FBXW12: variants seen among roughly 807,000 people sequenced by gnomAD.
The protein encoded by FBXW12 is F-box and WD repeat domain containing 12, also known as F-box/WD repeat-containing protein 12.
In FBXW12, 43 loss-of-function variants were observed where a neutral mutation model predicts 55.3. The observed-to-expected ratio is 0.78, with a 90% CI of 0.61 to 1.00. FBXW12 has a LOEUF of 1.00. Ranked by LOEUF, FBXW12 falls within the 50% of genes least tolerant of loss-of-function variation. FBXW12 has a pLI of 0.00. For missense variants in FBXW12, 524 were observed against 560.5 expected (o/e 0.93, Z 0.66); for synonymous variants, 184 against 203.8 (o/e 0.90, Z 0.83).
rs1400598805 is a variant in FBXW12, at chr3:48,375,448, G to A, written c.381G>A (p.Glu127=). 1 of 1,609,142 alleles carries A rather than the reference G, an allele frequency of 6.2e-7. No homozygotes were observed. The highest frequency in any genetic ancestry group is 1.7e-5 in the Admixed American group (1 of 59,004). Residue 127 remains glutamate, a synonymous_variant, in exon 5 of 11, where the codon GAG becomes GAA. Transcript: ENST00000296438. ...SIICSVSPKQ[E]LCAWDVQEGT... is the part of the protein sequence containing the mutation. ...TTTGTAGTGTATCTCCAAAGCAAGA[G>A]CTTTGTGCCTGGGATGTGCAAGAGG...
Position 48,381,828 on chromosome 3 carries a change from C to T in FBXW12, c.1114C>T (p.Leu372=), listed in dbSNP as rs945649562. ...YLLLFSITGF[L]LQRFEDHQAA... is the part of the protein sequence containing the mutation. ...GTTACTCTTCAGCATCACTGGCTTC[C>T]TGCTGCAACGATTTGAGGACCATCA... The change falls in exon 9 of 11, where the codon CTG becomes TTG. Residue 372 remains leucine (L), a synonymous_variant. Coordinates refer to ENST00000296438, the MANE Select transcript of FBXW12 (RefSeq NM_207102.2). The T allele has an allele frequency of 4.3e-6, 7 of 1,609,610 alleles. No homozygotes were observed. Among genetic ancestry groups the T allele is most frequent in the Non-Finnish European group, 5.9e-6 (7 of 1,176,906 alleles).
At chr3:48,389,886 G>C (rs922607765) in intron 10 of FBXW12, among the ~76,000 whole-genome samples, 13 of 152,158 alleles carry the variant, frequency 8.5e-5, no homozygotes, top group African/African-American at 3.1e-4. Context: ...ATGGTGAAAA[G>C]TAGGGGTCCA....
At chr3:48,391,001 G>A (rs1431689665) in intron 10 of FBXW12, among the ~76,000 whole-genome samples, 1 of 151,000 alleles carries the variant, frequency 6.6e-6, no homozygotes, top group Non-Finnish European at 1.5e-5. Context: ...GGAGCATAGT[G>A]GCTCATGCCT....
At chr3:48,373,858 A>G (rs1267714579) in intron 4 of FBXW12, among the ~76,000 whole-genome samples, 153 bp downstream of exon 4, 1 of 152,136 alleles carries the variant, frequency 6.6e-6, no homozygotes, top group Non-Finnish European at 1.5e-5. Context: ...TAGCCATGTG[A>G]TATCTCCCTG....
chr3:48,377,969 A>G (rs1471376789), intron 5 of FBXW12, among the ~76,000 whole-genome samples: 1 of 152,200 alleles, frequency 6.6e-6, no homozygotes, highest in Non-Finnish European at 1.5e-5. Flanking sequence ...AATTCTAAGT[A>G]TGTTTCATGA....
intron 7 of FBXW12, 93 bp from the exon 8 acceptor site, chr3:48,380,609 T>C (rs1402279142): frequency 2.2e-6 from 2 of 898,724 alleles, no homozygotes; most frequent in Non-Finnish European, 3.7e-6. Context: ...GGCCACAAGA[T>C]GAGAATTTCT....
chr3:48,390,698 G>A, intron 10 of FBXW12, among the ~76,000 whole-genome samples: 1 of 152,060 alleles, frequency 6.6e-6, no homozygotes, highest in East Asian at 1.9e-4. Context: ...ACAGGCGTGA[G>A]CCACCACATC....
chr3:48,372,887 C>CA (rs1560028976), intron 2 of FBXW12, 30 bp downstream of exon 2: 2 of 1,596,010 alleles, frequency 1.3e-6, no homozygotes, highest in Admixed American at 3.3e-5. Context: ...CACTGCCCCC[C>CA]AAGCCCGCTG....
At chr3:48,374,169 T>A (rs1482409862) in intron 4 of FBXW12, among the ~76,000 whole-genome samples, 2 of 151,706 alleles carry the variant, frequency 1.3e-5, no homozygotes, top group Non-Finnish European at 2.9e-5. Flanking sequence ...TATGAAAAAA[T>A]TTAAAAAATT....
In FBXW12 at chr3:48,382,060, A is replaced by T. The variant is rs773769340; in HGVS notation, c.1270A>T (p.Thr424Ser). ...YLRSCCHLEN[T>S]WHDHTTDSCI... is the part of the protein sequence containing the mutation. ...CAGGAGCTGCTGTCACCTGGAAAAC[A>T]CGTGGCATGATCACACAACAGACAG... Residue 424 changes from threonine to serine, a missense_variant, in exon 10 of 11, where the codon ACG becomes TCG. Thr to Ser is a moderately conservative substitution (Grantham distance 58). Coordinates refer to ENST00000296438, the MANE Select transcript of FBXW12 (RefSeq NM_207102.2). 3 of 1,614,088 alleles carry T rather than the reference A, an allele frequency of 1.9e-6. No homozygotes were observed. In the Admixed American group the frequency reaches 5.0e-5, roughly 27 times the overall value.
chr3:48,382,255 T>G (rs1037013911), intron 10 of FBXW12, among the ~76,000 whole-genome samples, 170 bp downstream of exon 10: 6 of 152,186 alleles, frequency 3.9e-5, no homozygotes, highest in African/African-American at 7.2e-5. Flanking sequence ...TAGCTGGGAT[T>G]ACAGGCATGT....
intron 10 of FBXW12, among the ~76,000 whole-genome samples, chr3:48,394,170 C>T (rs1053383912): frequency 2.0e-5 from 3 of 151,988 alleles, no homozygotes; most frequent in Non-Finnish European, 4.4e-5. Flanking sequence ...ATCATTTGAA[C>T]CCAGGAGATG....
intron 1 of FBXW12, 77 bp from the exon 2 acceptor site, chr3:48,372,607 A>C (rs1444609748): frequency 3.3e-6 from 5 of 1,505,254 alleles, no homozygotes; most frequent in Non-Finnish European, 9.0e-7. Context: ...GCCGGGGTGG[A>C]GGTCAGCCCG....
chr3:48,383,462 A>T (rs373976788), intron 10 of FBXW12, among the ~76,000 whole-genome samples: 11 of 152,148 alleles, frequency 7.2e-5, no homozygotes, highest in African/African-American at 2.7e-4. Flanking sequence ...GAGTTTTGAT[A>T]GTCCTTTATA....
intron 10 of FBXW12, among the ~76,000 whole-genome samples, chr3:48,383,201 C>A (rs1280393887): frequency 6.6e-6 from 1 of 152,150 alleles, no homozygotes; most frequent in Non-Finnish European, 1.5e-5. Flanking sequence ...TATATCATAT[C>A]TAATAAATTT....
rs2036669646 is a variant in FBXW12 at position 48,375,463 on chromosome 3, T to C, written c.396T>C (p.Asp132=). 3 of 1,600,656 alleles carry C rather than the reference T, an allele frequency of 1.9e-6. No homozygotes were observed. The highest frequency in any genetic ancestry group is 2.6e-6 in the Non-Finnish European group (3 of 1,171,826). ...VSPKQELCAW[D]VQEGTMIWSS... is the part of the protein sequence containing the mutation. ...CAAAGCAAGAGCTTTGTGCCTGGGATGTGCAAGAGGTGAGTCTGGCCAATA... is the reference window on the plus strand; with the variant it reads ...CAAAGCAAGAGCTTTGTGCCTGGGACGTGCAAGAGGTGAGTCTGGCCAATA... Residue 132 remains aspartate (D), a synonymous_variant, in exon 5 of 11, where the codon GAT becomes GAC. Transcript: ENST00000296438.
intron 6 of FBXW12, 37 bp downstream of exon 6, chr3:48,378,563 C>A: frequency 2.4e-5 from 35 of 1,431,082 alleles, no homozygotes; most frequent in South Asian, 3.5e-5. Context: ...ACCAAAAAAT[C>A]AAATGCCTGT....
chr3:48,372,416 C>G, intron 1 of FBXW12, 96 bp downstream of exon 1: 2 of 1,416,474 alleles, frequency 1.4e-6, no homozygotes, highest in South Asian at 1.2e-5. Context: ...AGTGAGTGCA[C>G]TCGGTGACAT....
intron 5 of FBXW12, among the ~76,000 whole-genome samples, chr3:48,377,685 A>G (rs1165719961): frequency 4.6e-5 from 7 of 152,208 alleles, no homozygotes; most frequent in Non-Finnish European, 5.9e-5. Context: ...CAAAATAATG[A>G]TTACATTTGG....
Sources: gnomAD v4.1 joint callset for allele counts (sites outside exome capture counted in the v4.1 genomes callset) on GRCh38, gnomAD v4.1.1 for gene constraint, MANE v1.5 for transcripts, NCBI Gene and HGNC (gene_info 2026-07-23, HGNC 2026-07-21) for gene names.